The following RP1 variants were observed in gnomAD, a reference collection of about 807,000 sequenced individuals.
RP1 encodes the protein RP1 axonemal microtubule associated, also known as oxygen-regulated protein 1.
Under a neutral mutation model 14.8 loss-of-function variants are expected in RP1, and 16 were observed. That is an observed-to-expected ratio of 1.08 (90% confidence interval 0.73 to 1.65). The LOEUF is 1.65. Ranked by LOEUF, RP1 falls within the 40% of genes most tolerant of loss-of-function variation. RP1 has a pLI of 0.00. For synonymous variants in RP1, 876 were observed against 883.6 expected (o/e 0.99, Z 0.15); for missense variants, 2,631 against 2,535.0 (o/e 1.04, Z -0.81).
At chr8:54,620,678 C>T (rs1563327725) in intron 1 of RP1, among the ~76,000 whole-genome samples, 1 of 152,138 alleles carries the variant, frequency 6.6e-6, no homozygotes, top group Non-Finnish European at 1.5e-5. Context: ...TTTTCCATTG[C>T]ATGGGTGTAT....
intron 1 of RP1, among the ~76,000 whole-genome samples, chr8:54,616,842 G>A (rs950976110): frequency 5.9e-5 from 9 of 152,204 alleles, no homozygotes; most frequent in African/African-American, 1.9e-4. Context: ...GTGAGTGAGA[G>A]AGTGAAGACA....
intron 18 of RP1, among the ~76,000 whole-genome samples, chr8:54,737,764 T>C (rs1808969089): frequency 2.0e-5 from 3 of 152,204 alleles, no homozygotes; most frequent in Admixed American, 1.3e-4. Flanking sequence ...ATTCTAAGCA[T>C]GGGAACTGGG....
At position 54,682,189 on chromosome 8, in the gene RP1, A is replaced by T. The variant is rs574738885; in HGVS notation, c.1717+2256A>T. 8.5e-5 allele frequency among the ~76,000 whole-genome samples: 13 copies of T among 152,154 alleles called. No homozygotes were observed. In the South Asian group the frequency reaches 2.7e-3, roughly 32 times the overall value. ...TGTAAAAGCATGCCTTTTTCTCTGC[A>T]ACCTCACCAGCATCTGTTGTTTCTT... is the stretch of plus-strand genomic sequence containing the variant. On this transcript the variant is annotated intron_variant, in intron 12 of 22. Coordinates refer to the RP1 transcript ENST00000636932.
chr8:54,655,609 T>C (rs535533837), intron 5 of RP1, among the ~76,000 whole-genome samples: 1 of 152,268 alleles, frequency 6.6e-6, no homozygotes, highest in South Asian at 2.1e-4. Context: ...AACAGGGAAA[T>C]AATATATTTC....
At chr8:54,637,746 T>C (rs926177404) in intron 3 of RP1, among the ~76,000 whole-genome samples, 2 of 152,198 alleles carry the variant, frequency 1.3e-5, no homozygotes, top group Non-Finnish European at 2.9e-5. Context: ...AATATGTAAA[T>C]ATTTTCCTCA....
At position 54,609,348 on chromosome 8, in the gene RP1, G is replaced by T. The variant is rs772791559; in HGVS notation, c.-12-11607G>T. On this transcript the variant is annotated intron_variant, in intron 1 of 22. Coordinates refer to the RP1 transcript ENST00000636932. ...GCACTCCTGCAGTCCCAGCTACTCA[G>T]GAGGTTTAGGCTGGAGCATCACTTG... Among the ~76,000 whole-genome samples, 3 of 152,158 alleles carry T rather than the reference G, an allele frequency of 2.0e-5. No homozygotes were observed. The East Asian group carries it at 5.8e-4, about 29-fold the overall frequency.
intron 12 of RP1, among the ~76,000 whole-genome samples, chr8:54,686,324 C>A (rs1318819307): frequency 1.3e-5 from 2 of 151,562 alleles, no homozygotes; most frequent in Admixed American, 1.3e-4. Context: ...GACATCTTTT[C>A]AAGAAAATAT....
intron 1 of RP1, among the ~76,000 whole-genome samples, chr8:54,580,447 C>T (rs1465055358): frequency 1.5e-4 from 23 of 149,462 alleles, no homozygotes; most frequent in African/African-American, 5.2e-4. Context: ...GCTGGGACTA[C>T]AGGCGTGCGC....
chr8:54,780,202 G>T (rs550678693), intron 23 of RP1, among the ~76,000 whole-genome samples: 101 of 152,336 alleles, frequency 6.6e-4, no homozygotes, highest in African/African-American at 2.3e-3. Context: ...AAATGAGCAT[G>T]GCGTCATTCC....
chr8:54,593,978 C>T (rs942188587), intron 1 of RP1, among the ~76,000 whole-genome samples: 1 of 152,226 alleles, frequency 6.6e-6, no homozygotes, highest in African/African-American at 2.4e-5. Flanking sequence ...GGCTTGCTGT[C>T]CAGCCCAGCA....
At chr8:54,868,875 A>G (rs1192656920) in intron 28 of RP1, among the ~76,000 whole-genome samples, 1 of 152,106 alleles carries the variant, frequency 6.6e-6, no homozygotes, top group Non-Finnish European at 1.5e-5. Flanking sequence ...TTATTTGTGG[A>G]GTTTCAAAAT....
intron 22 of RP1, among the ~76,000 whole-genome samples, chr8:54,762,029 G>A (rs538313040): frequency 8.5e-5 from 13 of 152,160 alleles, no homozygotes; most frequent in Non-Finnish European, 1.8e-4. Context: ...CTGGAAGGCT[G>A]TTCTGAAGAG....
At chr8:54,574,540 A>G (rs1804602712) in intron 1 of RP1, among the ~76,000 whole-genome samples, 1 of 152,132 alleles carries the variant, frequency 6.6e-6, no homozygotes, top group East Asian at 1.9e-4. Context: ...TGGGACAAAT[A>G]TTGGGAGATG....
chr8:54,689,364 T>C (rs1585608640), intron 12 of RP1, among the ~76,000 whole-genome samples: 1 of 152,126 alleles, frequency 6.6e-6, no homozygotes, highest in Non-Finnish European at 1.5e-5. Context: ...ATAGGAGTGG[T>C]GAGAGAGGGC....
chr8:54,851,309 TTAAC>T (rs372339791), intron 25 of RP1, among the ~76,000 whole-genome samples: 19 of 152,324 alleles, frequency 1.2e-4, no homozygotes, highest in African/African-American at 4.6e-4. Flanking sequence ...TCAAACACCT[TTAAC>T]TATTCATTTA....
intron 1 of RP1, among the ~76,000 whole-genome samples, chr8:54,592,651 G>T (rs1024472186): frequency 4.6e-5 from 7 of 152,158 alleles, no homozygotes; most frequent in Non-Finnish European, 1.0e-4. Flanking sequence ...CTGGCACCAG[G>T]AATGGGGCTT....
intron 1 of RP1, among the ~76,000 whole-genome samples, chr8:54,603,831 T>C (rs1355947906): frequency 6.6e-6 from 1 of 152,208 alleles, no homozygotes; most frequent in African/African-American, 2.4e-5. Flanking sequence ...ATGATTTGGC[T>C]CTCTGTTTGT....
intron 24 of RP1, among the ~76,000 whole-genome samples, chr8:54,831,563 C>T (rs1270673343): frequency 6.6e-6 from 1 of 151,488 alleles, no homozygotes; most frequent in Non-Finnish European, 1.5e-5. Flanking sequence ...CCTTCAACCC[C>T]TTATGCTATT....
chr8:54,754,690 C>T (rs1809456072), intron 19 of RP1: 1 of 1,071,180 alleles, frequency 9.3e-7, no homozygotes, highest in Non-Finnish European at 1.2e-6. Flanking sequence ...ACCGCTATCA[C>T]CATCATCAGA....
Sources: gnomAD v4.1 joint callset for allele counts (sites outside exome capture counted in the v4.1 genomes callset) on GRCh38, gnomAD v4.1.1 for gene constraint, MANE v1.5 for transcripts, NCBI Gene and HGNC (gene_info 2026-07-23, HGNC 2026-07-21) for gene names.